TENM2: variants seen among roughly 807,000 people sequenced by gnomAD.
TENM2 encodes teneurin transmembrane protein 2.
In TENM2, 52 loss-of-function variants were observed where a neutral mutation model predicts 245.2. The observed-to-expected ratio is 0.21, with a 90% CI of 0.17 to 0.27. The LOEUF is 0.27. TENM2 is among the 10% of genes least tolerant of loss of function. The pLI, the probability that TENM2 is intolerant of heterozygous loss-of-function variation, is 1.00. For synonymous variants in TENM2, 1,363 were observed against 1,438.9 expected, an observed-to-expected ratio of 0.95 and a Z score of 1.19; for missense variants, 3,046 against 3,666.8, an observed-to-expected ratio of 0.83 and a Z score of 4.37.
chr5:167,289,882 A>C (rs1754535247), intron 1 of TENM2, among the ~76,000 whole-genome samples: 1 of 152,186 alleles, frequency 6.6e-6, no homozygotes, highest in African/African-American at 2.4e-5. Context: ...ATAATAATTA[A>C]AAGGTTCTAG....
At chr5:167,622,499 AAAG>A (rs1229039183) in intron 2 of TENM2, among the ~76,000 whole-genome samples, 2 of 152,162 alleles carry the variant, frequency 1.3e-5, no homozygotes, top group African/African-American at 4.8e-5. Context: ...CAAATTTTAG[AAAG>A]AAGAAAGAAT....
At chr5:167,501,879 T>C (rs768056356) in intron 2 of TENM2, among the ~76,000 whole-genome samples, 17 of 152,086 alleles carry the variant, frequency 1.1e-4, no homozygotes, top group Admixed American at 4.6e-4. Flanking sequence ...GTAGGTAAAG[T>C]AGAAATATAT....
At chr5:167,727,638 C>T (rs2337018) in intron 2 of TENM2, among the ~76,000 whole-genome samples, 26,488 of 152,182 alleles carry the variant, frequency 0.17, 2,695 homozygotes, top group East Asian at 0.41. Flanking sequence ...ATTCATCTAA[C>T]ATTTTGTGTG....
intron 2 of TENM2, among the ~76,000 whole-genome samples, chr5:167,677,475 A>G (rs1036810478): frequency 7.2e-5 from 11 of 151,834 alleles, no homozygotes; most frequent in African/African-American, 2.7e-4. Flanking sequence ...GGCAAATCAG[A>G]GCAAAAGGTT....
chr5:167,582,627 C>G (rs1775169277), intron 2 of TENM2, among the ~76,000 whole-genome samples: 1 of 152,166 alleles, frequency 6.6e-6, no homozygotes, highest in African/African-American at 2.4e-5. Flanking sequence ...TGAAATGAAT[C>G]TAATCTATTT....
chr5:167,206,184 C>T, the TENM2 span, among the ~76,000 whole-genome samples: 2 of 152,306 alleles, frequency 1.3e-5, no homozygotes, highest in South Asian at 2.1e-4. Flanking sequence ...GGATTTGTCT[C>T]CTCCAACTTT....
At chr5:167,380,705 A>G (rs142713847) in intron 2 of TENM2, among the ~76,000 whole-genome samples, 3 of 152,258 alleles carry the variant, frequency 2.0e-5, no homozygotes, top group Non-Finnish European at 4.4e-5. Context: ...GCCTTCAGGG[A>G]CACATTGGGC....
At chr5:167,515,037 A>G (rs1770228732) in intron 2 of TENM2, among the ~76,000 whole-genome samples, 1 of 152,128 alleles carries the variant, frequency 6.6e-6, no homozygotes, top group Admixed American at 6.5e-5. Flanking sequence ...ACAAAAAAAG[A>G]AATGTAAACT....
At chr5:167,504,879 C>T (rs1285722353) in intron 2 of TENM2, among the ~76,000 whole-genome samples, 1 of 152,112 alleles carries the variant, frequency 6.6e-6, no homozygotes, top group African/African-American at 2.4e-5. Context: ...TCTTCTTTCT[C>T]CTGCTTCTCC....
chr5:167,294,899 C>A (rs971458057), intron 1 of TENM2, among the ~76,000 whole-genome samples: 2 of 152,154 alleles, frequency 1.3e-5, no homozygotes, highest in African/African-American at 4.8e-5. Flanking sequence ...TACCTCTCTG[C>A]CTATTGCAAA....
At chr5:167,768,713 T>A (rs924031352) in intron 2 of TENM2, among the ~76,000 whole-genome samples, 1 of 152,176 alleles carries the variant, frequency 6.6e-6, no homozygotes, top group African/African-American at 2.4e-5. Flanking sequence ...TCAGTGTCCC[T>A]CTTCTATAAA....
At chr5:167,387,277 G>C (rs1300463110) in intron 2 of TENM2, among the ~76,000 whole-genome samples, 1 of 151,744 alleles carries the variant, frequency 6.6e-6, no homozygotes, top group African/African-American at 2.4e-5. Flanking sequence ...TGTTTTTGTG[G>C]TTATTGTAAA....
At chr5:167,976,698 A>C (rs1053461642) in intron 4 of TENM2, among the ~76,000 whole-genome samples, 4 of 152,206 alleles carry the variant, frequency 2.6e-5, no homozygotes, top group African/African-American at 9.6e-5. Context: ...TTTATACCCA[A>C]ACTCAATTAT....
the TENM2 span, among the ~76,000 whole-genome samples, chr5:167,027,912 C>T: frequency 1.9e-3 from 284 of 151,888 alleles, 2 homozygotes; most frequent in East Asian, 0.03. Flanking sequence ...AACCCCTTCT[C>T]TAGAAAAATT....
intron 2 of TENM2, among the ~76,000 whole-genome samples, chr5:167,852,154 C>G (rs1770638086): frequency 6.6e-6 from 1 of 152,194 alleles, no homozygotes; most frequent in Admixed American, 6.5e-5. Flanking sequence ...AGGCAGTTGA[C>G]TTGCTTTTCA....
At chr5:167,810,932 C>T (rs939153097) in intron 2 of TENM2, among the ~76,000 whole-genome samples, 1 of 152,138 alleles carries the variant, frequency 6.6e-6, no homozygotes, top group African/African-American at 2.4e-5. Flanking sequence ...TACGTCTTCT[C>T]CTTTGGTTCC....
rs923102762 is a variant in TENM2, at chr5:167,887,853, C to T, written c.712+11658C>T. On this transcript the variant is annotated intron_variant, in intron 3 of 28. Transcript: ENST00000518659. Reference sequence around the variant, plus strand: ...GAGGCTACAAGTTCCAAACCATGCTCCTTCCAAATGCCCTAGGGAAGAGTC... The same window carrying T: ...GAGGCTACAAGTTCCAAACCATGCTTCTTCCAAATGCCCTAGGGAAGAGTC... Among the ~76,000 whole-genome samples, 4 of 152,134 alleles carry T rather than the reference C, an allele frequency of 2.6e-5. No individual in the cohort carries two copies. In the East Asian group the frequency reaches 5.8e-4, roughly 22 times the overall value.
At chr5:167,745,440 T>C (rs1233117258) in intron 2 of TENM2, among the ~76,000 whole-genome samples, 1 of 152,238 alleles carries the variant, frequency 6.6e-6, no homozygotes. Context: ...CTGTTCTCAA[T>C]ATGAAATGTA....
Position 168,028,879 on chromosome 5 carries a change from C to A in TENM2, c.1187-18548C>A, listed in dbSNP as rs893159884. Among the ~76,000 whole-genome samples, 11 of 151,458 alleles carry A rather than the reference C, an allele frequency of 7.3e-5. 1 individual carries two copies. Among genetic ancestry groups the A allele is most frequent in the Admixed American group, 6.6e-4 (10 of 15,238 alleles). ...TTAACTAGGGTCCCTAAAAGTGAAA[C>A]TGGGAAAGTGGAGCTCTCTTTTCTC... On this transcript the variant is annotated intron_variant, in intron 5 of 28. Transcript: ENST00000518659.
Sources: gnomAD v4.1 joint callset for allele counts (sites outside exome capture counted in the v4.1 genomes callset) on GRCh38, gnomAD v4.1.1 for gene constraint, MANE v1.5 for transcripts, NCBI Gene and HGNC (gene_info 2026-07-23, HGNC 2026-07-21) for gene names.